Variants in SMIM35 observed in about 807,000 individuals in gnomAD.
SMIM35 encodes the protein TMPRSS4 antisense RNA 1 (non-protein coding).
intron 1 of SMIM35, among the ~76,000 whole-genome samples, chr11:118,023,319 T>A (rs2058247051): frequency 6.6e-6 from 1 of 152,120 alleles, no homozygotes; most frequent in South Asian, 2.1e-4. Flanking sequence ...AAAGAGAGAT[T>A]CAATAAGTCT....
At chr11:118,056,264 A>G (rs1458656429) in intron 1 of SMIM35, among the ~76,000 whole-genome samples, 1 of 152,146 alleles carries the variant, frequency 6.6e-6, no homozygotes, top group Non-Finnish European at 1.5e-5. Context: ...CAGAAGGGTC[A>G]TCCTGGAGAG....
rs192962159 is a variant in SMIM35, at chr11:118,009,615, C to A, written c.*34-3239G>T. Among the ~76,000 whole-genome samples, 6 of 151,988 alleles carry A rather than the reference C, an allele frequency of 3.9e-5. No homozygotes were observed. In the East Asian group the frequency reaches 1.2e-3, roughly 29 times the overall value. ...GCAGCCATCACCTTTCAACTGCCAT[C>A]TCCTAAATTAGAAAGATATATTGAC... On this transcript the variant is annotated intron_variant, in intron 4 of 4. Transcript: ENST00000689828.
chr11:118,056,517 G>A (rs921047132), intron 1 of SMIM35, among the ~76,000 whole-genome samples: 13 of 152,310 alleles, frequency 8.5e-5, no homozygotes, highest in Non-Finnish European at 1.5e-4. Context: ...GACCCCACGA[G>A]GAGATGTCCA....
chr11:118,083,742 T>C (rs1242988051), intron 1 of SMIM35, among the ~76,000 whole-genome samples: 1 of 152,216 alleles, frequency 6.6e-6, no homozygotes, highest in Non-Finnish European at 1.5e-5. Flanking sequence ...GTTGTTGTTA[T>C]TATTATTACA....
intron 1 of SMIM35, among the ~76,000 whole-genome samples, chr11:118,029,344 T>C (rs2058299825): frequency 6.6e-6 from 1 of 152,258 alleles, no homozygotes; most frequent in South Asian, 2.1e-4. Context: ...TAGCCCCAGC[T>C]ACTCAGGAGA....
rs540313092 is a variant in SMIM35 at position 118,050,050 on chromosome 11, A to G, written c.8-34241T>C. On this transcript the variant is annotated intron_variant, in intron 1 of 4. Coordinates refer to ENST00000689828, the MANE Select transcript of SMIM35 (RefSeq NM_001394165.1). ...GAGAGGGTCTTTGAAGTCTCTCAGTACTGGAATGAGCACAGGGCTTGCCTT... is the reference window on the plus strand; with the variant it reads ...GAGAGGGTCTTTGAAGTCTCTCAGTGCTGGAATGAGCACAGGGCTTGCCTT... Among the ~76,000 whole-genome samples the G allele has an allele frequency of 7.2e-5, 11 of 152,282 alleles. No homozygotes were observed. In the South Asian group the frequency reaches 2.3e-3, roughly 32 times the overall value.
At chr11:118,041,628 C>A (rs1944002089) in intron 1 of SMIM35, among the ~76,000 whole-genome samples, 2 of 151,886 alleles carry the variant, frequency 1.3e-5, no homozygotes, top group African/African-American at 4.8e-5. Flanking sequence ...AAATAAAGAC[C>A]CGGTACACCA....
At chr11:118,011,672 A>G (rs2058151341) in intron 4 of SMIM35, among the ~76,000 whole-genome samples, 1 of 152,176 alleles carries the variant, frequency 6.6e-6, no homozygotes, top group Non-Finnish European at 1.5e-5. Flanking sequence ...AGCCTGGGCA[A>G]CAGGGCAAGA....
intron 1 of SMIM35, among the ~76,000 whole-genome samples, chr11:118,042,025 T>A (rs1944010294): frequency 7.3e-6 from 1 of 137,592 alleles, no homozygotes; most frequent in South Asian, 2.3e-4. Flanking sequence ...CTCTCCAGCC[T>A]GGGCAACAGA....
intron 4 of SMIM35, among the ~76,000 whole-genome samples, chr11:118,013,044 C>T (rs575263586): frequency 6.6e-6 from 1 of 152,130 alleles, no homozygotes; most frequent in Non-Finnish European, 1.5e-5. Context: ...GAATGGTGGC[C>T]TCTTTTAGTT....
Position 118,013,843 on chromosome 11 carries a change from T to A in SMIM35, c.196A>T (p.Ile66Phe). 2 of 399,092 alleles carry A rather than the reference T, an allele frequency of 5.0e-6. No individual in the cohort carries two copies. Among genetic ancestry groups the A allele is most frequent in the Non-Finnish European group, 8.8e-6 (2 of 226,094 alleles). The allele number at this position is 399,092 out of a possible 1,614,324, so 24.7% of individuals were successfully genotyped here. ...KDLEMGPPFT[I>F]SGHISSTDGG... Reference sequence around the variant, plus strand: ...TCTGTGCTGCTGATGTGACCACTGATGGTGAAGGGTGGACCCATCTCCAGA... The same window carrying A: ...TCTGTGCTGCTGATGTGACCACTGAAGGTGAAGGGTGGACCCATCTCCAGA... Residue 66 changes from isoleucine (I) to phenylalanine (F), a missense_variant, in exon 4 of 5, where the codon ATC becomes TTC. Transcript: ENST00000689828.
chr11:118,046,651 T>A (rs1001042458), intron 1 of SMIM35, among the ~76,000 whole-genome samples: 3 of 152,160 alleles, frequency 2.0e-5, no homozygotes, highest in Admixed American at 2.0e-4. Flanking sequence ...TACGGATCTT[T>A]CAAAGAATGG....
Position 118,029,692 on chromosome 11 carries a change from T to C in SMIM35, c.8-13883A>G, listed in dbSNP as rs116466759. ...GGTCTAGTTTGCAGTTTTTCCAAAT[T>C]CATGGAACCAGTCTCGTTACACCCT... On this transcript the variant is annotated intron_variant, in intron 1 of 4. Transcript: ENST00000689828. The C allele has an allele frequency of 8.4e-4, 386 of 457,348 alleles. 1 individual carries two copies. The highest frequency in any genetic ancestry group is 6.5e-3 in the African/African-American group (326 of 50,160). The allele number at this position is 457,348 out of a possible 1,614,324, so 28.3% of individuals were successfully genotyped here. A position where few individuals can be genotyped will look rare whatever the true frequency, so the allele number is the denominator to read the frequency against.
chr11:118,082,655 A>G (rs1945235067), intron 1 of SMIM35, among the ~76,000 whole-genome samples: 1 of 152,220 alleles, frequency 6.6e-6, no homozygotes, highest in East Asian at 1.9e-4. Context: ...ACCAGTAGCT[A>G]TAATTAACTT....
At chr11:118,023,284 G>A (rs1296480775) in intron 1 of SMIM35, among the ~76,000 whole-genome samples, 11 of 152,038 alleles carry the variant, frequency 7.2e-5, no homozygotes, top group Non-Finnish European at 2.9e-5. Context: ...AATTTCATGT[G>A]TGTGTGAAAA....
intron 1 of SMIM35, among the ~76,000 whole-genome samples, chr11:118,039,249 T>C (rs905735349): frequency 1.3e-5 from 2 of 152,162 alleles, no homozygotes; most frequent in African/African-American, 4.8e-5. Context: ...ATGGAATACA[T>C]GGAATAAGTA....
chr11:118,042,272 A>G (rs1237164111), intron 1 of SMIM35, among the ~76,000 whole-genome samples: 1 of 152,118 alleles, frequency 6.6e-6, no homozygotes, highest in Non-Finnish European at 1.5e-5. Flanking sequence ...ATCAGAAATG[A>G]AAGAGGGGAC....
At chr11:118,010,625 A>C (rs1461101106) in intron 4 of SMIM35, among the ~76,000 whole-genome samples, 2 of 152,214 alleles carry the variant, frequency 1.3e-5, no homozygotes, top group African/African-American at 4.8e-5. Context: ...GGTTGGTGTC[A>C]AGTCTCAAGC....
chr11:118,014,100 C>T (rs2058164283), intron 3 of SMIM35, among the ~76,000 whole-genome samples: 1 of 152,160 alleles, frequency 6.6e-6, no homozygotes, highest in Non-Finnish European at 1.5e-5. Context: ...GCTCGCACTC[C>T]CTGAATCCCT....
Sources: gnomAD v4.1 joint callset for allele counts (sites outside exome capture counted in the v4.1 genomes callset) on GRCh38, gnomAD v4.1.1 for gene constraint, MANE v1.5 for transcripts, NCBI Gene and HGNC (gene_info 2026-07-23, HGNC 2026-07-21) for gene names.